Variants in P2RX6 observed in about 807,000 individuals in gnomAD.
P2RX6 encodes purinergic receptor P2X 6, also known as P2X purinoceptor 6.
A neutral mutation model predicts 54.2 loss-of-function variants in P2RX6; 62 were observed. The observed-to-expected ratio is 1.14, with a 90% CI of 0.93 to 1.41. The LOEUF (loss-of-function observed/expected upper bound fraction) is 1.41. Ranked by LOEUF, P2RX6 falls within the 40% of genes most tolerant of loss-of-function variation. P2RX6 has a pLI of 0.00. For missense variants in P2RX6, 541 were observed against 566.3 expected (o/e 0.96, Z 0.45); for synonymous variants, 211 against 231.9 (o/e 0.91, Z 0.82).
At chr22:21,025,002 T>C (rs1210504743) in intron 8 of P2RX6, among the ~76,000 whole-genome samples, 1 of 149,110 alleles carries the variant, frequency 6.7e-6, no homozygotes, top group Non-Finnish European at 1.5e-5. Context: ...TGCCTCAGCC[T>C]CCTGAGTAGC....
At chr22:21,012,603 G>T, upstream of P2RX6, 2 of 606,096 alleles carry the variant, frequency 3.3e-6, no homozygotes, top group Non-Finnish European at 6.2e-6. Context: ...TGTCCCAAAA[G>T]TTCAGCCACT....
chr22:21,025,177 G>A (rs1030108131), intron 8 of P2RX6, among the ~76,000 whole-genome samples: 5 of 152,136 alleles, frequency 3.3e-5, no homozygotes, highest in Non-Finnish European at 1.5e-5. Context: ...CACTGTGCCT[G>A]GCCTCAAGTT....
intron 3 of P2RX6, chr22:21,018,323 G>A: frequency 2.2e-6 from 1 of 460,204 alleles, no homozygotes; most frequent in South Asian, 2.1e-5. Flanking sequence ...AGGCCTCCAG[G>A]CCTGTGGGTG....
At position 21,026,768 on chromosome 22, in the gene P2RX6, G is replaced by T; in HGVS notation, c.*151G>T. On this transcript the variant is annotated 3_prime_UTR_variant, in exon 12 of 12. Coordinates refer to ENST00000413302, the MANE Select transcript of P2RX6 (RefSeq NM_005446.5). This position sits in a 1 kb window ranked among gnomAD's most constrained non-coding sequence, Gnocchi z 4.0. ...CCTCCCCTGACTCCCACCTTGGTAG[G>T]GTGCTGCCTCAGGGAGCCATAGAAG... The T allele has an allele frequency of 1.4e-6, 2 of 1,416,260 alleles. No homozygotes were observed. The highest frequency in any genetic ancestry group is 1.9e-6 in the Non-Finnish European group (2 of 1,077,478). 87.7% of individuals were successfully genotyped at this position (1,416,260 alleles called of 1,614,324 possible).
chr22:21,023,497 T>G lies in P2RX6; in HGVS notation c.781-12T>G, dbSNP rs1262372265. 1 of 1,613,524 alleles carries G rather than the reference T, an allele frequency of 6.2e-7. No homozygotes were observed. The highest frequency in any genetic ancestry group is 8.5e-7 in the Non-Finnish European group (1 of 1,179,664). ...CCCACCCACCGGTGGAAAAGCTATG[T>G]GCTATGTGCAGGGTGGCTCTGTAGG... On this transcript the variant is annotated splice_polypyrimidine_tract_variant and intron_variant, in intron 7 of 11. Transcript: ENST00000413302.
At position 21,026,982 on chromosome 22, in the gene P2RX6, G is replaced by C. The variant is rs2541952; in HGVS notation, c.*365G>C. 5 of 267,054 alleles carry C rather than the reference G, an allele frequency of 1.9e-5. No homozygotes were observed. In the South Asian group the frequency reaches 3.4e-4, roughly 18 times the overall value. 16.5% of individuals were successfully genotyped at this position (267,054 alleles called of 1,614,324 possible). On this transcript the variant is annotated 3_prime_UTR_variant, in exon 12 of 12. Transcript: ENST00000413302. This position sits in a 1 kb window ranked among gnomAD's most constrained non-coding sequence, Gnocchi z 4.0. ...GGTATGCTTACCAGCTGTCAGCACA[G>C]ACCCTCCTGCTGCCTGGGTCCTGGC...
At position 21,026,551 on chromosome 22, in the gene P2RX6, A is replaced by G. The variant is rs1928501350; in HGVS notation, c.1260A>G (p.Thr420=). 3 of 1,591,610 alleles carry G rather than the reference A, an allele frequency of 1.9e-6. 1 individual carries two copies. Among genetic ancestry groups the G allele is most frequent in the Non-Finnish European group, 2.6e-6 (3 of 1,169,916 alleles). ...CGGCCACTGCTGCTGGGAGTCAGAC[A>G]CAGACACCAGGATGGCCCTGTCCAA... ...APTATAAGSQ[T]QTPGWPCPSS... is the part of the protein sequence containing the mutation. Residue 420 remains threonine (T), a synonymous_variant, in exon 12 of 12, where the codon ACA becomes ACG. Coordinates refer to ENST00000413302, the MANE Select transcript of P2RX6 (RefSeq NM_005446.5). The surrounding 1 kb of genome is among the most constrained non-coding windows in gnomAD (Gnocchi z 4.0).
rs769433710 is a variant in P2RX6, at chr22:21,026,448, C to G, written c.1157C>G (p.Ser386Cys). The G allele has an allele frequency of 1.1e-5, 18 of 1,603,430 alleles. No homozygotes were observed. Among genetic ancestry groups the G allele is most frequent in the South Asian group, 2.3e-5 (2 of 88,658 alleles). Reference sequence around the variant, plus strand: ...AAGGCCCCGAAAGCAACCGCCAACTCTGTGTGGAGGGAGCTGGCCCTTGCA... The same window carrying G: ...AAGGCCCCGAAAGCAACCGCCAACTGTGTGTGGAGGGAGCTGGCCCTTGCA... ...EAKAPKATANSVWRELALASQ... is the reference protein window; with the variant it reads ...EAKAPKATANCVWRELALASQ... The change falls in exon 12 of 12, where the codon TCT (serine) becomes TGT (cysteine). Residue 386 changes from serine to cysteine, a missense_variant. This residue lies in a region of P2RX6 where 526 missense variants were observed against 531.5 expected (regional missense o/e 0.99). Coordinates refer to ENST00000413302, the MANE Select transcript of P2RX6 (RefSeq NM_005446.5). This position sits in a 1 kb window ranked among gnomAD's most constrained non-coding sequence, Gnocchi z 4.0.
At chr22:21,022,245 G>A (rs1927530921) in intron 3 of P2RX6, among the ~76,000 whole-genome samples, 1 of 152,188 alleles carries the variant, frequency 6.6e-6, no homozygotes, top group Admixed American at 6.5e-5. Flanking sequence ...ACAGTGGTGT[G>A]TGTCTGTAGT....
upstream of P2RX6, among the ~76,000 whole-genome samples, chr22:21,010,516 C>T (rs1453704665): frequency 4.6e-5 from 7 of 152,120 alleles, no homozygotes; most frequent in Admixed American, 4.6e-4. Flanking sequence ...TGAAATGCTG[C>T]AGAAAAGAGC....
rs1927809209 is a variant in P2RX6 at position 21,023,394 on chromosome 22, C to T, written c.758C>T (p.Thr253Ile). The change falls in exon 7 of 12, where the codon ACC becomes ATC. Residue 253 changes from threonine to isoleucine, a missense_variant. Thr to Ile is a moderately conservative substitution (Grantham distance 89). Coordinates refer to ENST00000413302, the MANE Select transcript of P2RX6 (RefSeq NM_005446.5). ...IGDLVAKAGG[T>I]FEDLALLGGS... ...GACCTCGTGGCCAAGGCTGGAGGGA[C>T]CTTCGAGGACCTGGCGTTGCTGGTG... 6.2e-7 allele frequency: 1 copy of T among 1,614,012 alleles called. No homozygotes were observed.
chr22:21,026,099 C>T lies in P2RX6; in HGVS notation c.1050+23C>T. ...GTGGTGAGTGCGAGCACTGTGGGCACCTGCAGGCTGCAGTGAGTGCTGCTG... is the reference window on the plus strand; with the variant it reads ...GTGGTGAGTGCGAGCACTGTGGGCATCTGCAGGCTGCAGTGAGTGCTGCTG... On this transcript the variant is annotated intron_variant, in intron 10 of 11. Transcript: ENST00000413302. This position sits in a 1 kb window ranked among gnomAD's most constrained non-coding sequence, Gnocchi z 4.0. The T allele has an allele frequency of 6.2e-7, 1 of 1,602,010 alleles. No individual in the cohort carries two copies. The highest frequency in any genetic ancestry group is 8.5e-7 in the Non-Finnish European group (1 of 1,174,830).
chr22:21,015,094 C>T (rs1407150184), upstream of P2RX6: 1 of 841,440 alleles, frequency 1.2e-6, no homozygotes, highest in Admixed American at 3.4e-5. Flanking sequence ...GGAAGTGTCC[C>T]TTTAACAGCA....
At position 21,022,850 on chromosome 22, in the gene P2RX6, T is replaced by C. The variant is rs549126488; in HGVS notation, c.464-92T>C. 184 of 1,480,390 alleles carry C rather than the reference T, an allele frequency of 1.2e-4. 5 individuals are homozygous for C. In the South Asian group the frequency reaches 1.8e-3, roughly 14 times the overall value. The allele number at this position is 1,480,390 out of a possible 1,614,324, so 91.7% of individuals were successfully genotyped here. A position where few individuals can be genotyped will look rare whatever the true frequency, so the allele number is the denominator to read the frequency against. On this transcript the variant is annotated intron_variant, in intron 4 of 11. Coordinates refer to ENST00000413302, the MANE Select transcript of P2RX6 (RefSeq NM_005446.5). Reference sequence around the variant, plus strand: ...TGCAGGCCCTGCTCGCCTCTGTCCCTGCATCTCTCTTTCTGCCAACAACCC... The same window carrying C: ...TGCAGGCCCTGCTCGCCTCTGTCCCCGCATCTCTCTTTCTGCCAACAACCC...
intron 3 of P2RX6, among the ~76,000 whole-genome samples, chr22:21,020,255 C>T (rs2090389479): frequency 6.6e-6 from 1 of 152,242 alleles, no homozygotes; most frequent in Non-Finnish European, 1.5e-5. Flanking sequence ...ACTTCTGGCT[C>T]TTCCCATGAA....
rs1928417033 is a variant in P2RX6 at position 21,026,188 on chromosome 22, G to C, written c.1051-64G>C. 3 of 1,540,064 alleles carry C rather than the reference G, an allele frequency of 1.9e-6. No homozygotes were observed. The highest frequency in any genetic ancestry group is 2.6e-6 in the Non-Finnish European group (3 of 1,133,916). On this transcript the variant is annotated intron_variant, in intron 10 of 11. Coordinates refer to ENST00000413302, the MANE Select transcript of P2RX6 (RefSeq NM_005446.5). The surrounding 1 kb of genome is among the most constrained non-coding windows in gnomAD (Gnocchi z 4.0). ...CTGCACATTGAGTCTCGGGGTGCAG[G>C]CTGGGGAGGTGGCAGGAGAGCAGGC...
In P2RX6 at chr22:21,018,076, A is replaced by T. The variant is rs1313550626; in HGVS notation, c.387+16A>T. 9 of 1,589,118 alleles carry T rather than the reference A, an allele frequency of 5.7e-6. No individual in the cohort carries two copies. In the Admixed American group the frequency reaches 1.3e-4, roughly 24 times the overall value. On this transcript the variant is annotated intron_variant, in intron 3 of 11. Coordinates refer to ENST00000413302, the MANE Select transcript of P2RX6 (RefSeq NM_005446.5). ...ATGCCCAGAGGTGAGTTTACCCAGG[A>T]TCCTCCCAGCGGGTCCCTTGTTCCT...
Position 21,015,985 on chromosome 22 carries a change from G to A in P2RX6, c.208G>A (p.Glu70Lys), listed in dbSNP as rs1383797003. The A allele has an allele frequency of 6.5e-7, 1 of 1,550,128 alleles. No homozygotes were observed. Among genetic ancestry groups the A allele is most frequent in the Admixed American group, 2.0e-5 (1 of 50,996 alleles). The change falls in exon 2 of 12, where the codon GAA becomes AAA. Residue 70 changes from glutamate (E) to lysine (K), a missense_variant. Glu to Lys is a moderately conservative substitution (Grantham distance 56, BLOSUM62 1). This residue lies in a region of P2RX6 where 526 missense variants were observed against 531.5 expected (regional missense o/e 0.99). Coordinates refer to ENST00000413302, the MANE Select transcript of P2RX6 (RefSeq NM_005446.5). ...AKKGYQERDL[E>K]PQFSIITKLK... is the part of the protein sequence containing the mutation. ...AAAAGGCTACCAGGAGCGGGACCTGGAACCCCAGTTTTCCATCATCACCAA... is the reference window on the plus strand; with the variant it reads ...AAAAGGCTACCAGGAGCGGGACCTGAAACCCCAGTTTTCCATCATCACCAA...
rs557730190 is a variant in P2RX6 at position 21,022,577 on chromosome 22, G to A, written c.388-99G>A. On this transcript the variant is annotated intron_variant, in intron 3 of 11. Transcript: ENST00000413302. ...TGAGGTTGTTTAAGGTGGGAAGGGG[G>A]CCTGTCCTTCCCACCTTGAACCTCC... The A allele has an allele frequency of 6.0e-6, 5 of 839,580 alleles. No individual in the cohort carries two copies. The South Asian group carries it at 6.4e-5, about 11-fold the overall frequency. 52.0% of individuals were successfully genotyped at this position (839,580 alleles called of 1,614,324 possible).
Sources: allele counts gnomAD v4.1 joint callset (sites outside exome capture counted in the v4.1 genomes callset), GRCh38; gene constraint gnomAD v4.1.1; regional missense constraint gnomAD v4.1.1; non-coding constraint Gnocchi (gnomAD v3.1); transcripts MANE v1.5; gene names NCBI Gene and HGNC (gene_info 2026-07-23, HGNC 2026-07-21).